The following FBXW8 variants were observed in gnomAD, a reference collection of about 807,000 sequenced individuals.
The protein encoded by FBXW8 is F-box and WD repeat domain containing 8.
A neutral mutation model predicts 65.3 loss-of-function variants in FBXW8; 57 were observed. The ratio of observed to expected loss-of-function variants is 0.87; its 90% CI spans 0.71 to 1.09. The LOEUF is 1.09. Ranked by LOEUF, FBXW8 falls within the 50% of genes least tolerant of loss-of-function variation. The pLI is 0.00. For synonymous variants in FBXW8, 308 were observed against 330.2 expected, an observed-to-expected ratio of 0.93 and a Z score of 0.73; for missense variants, 777 against 814.8, an observed-to-expected ratio of 0.95 and a Z score of 0.57.
At chr12:116,952,328 G>A (rs1038986037) in intron 4 of FBXW8, among the ~76,000 whole-genome samples, 32 of 152,088 alleles carry the variant, frequency 2.1e-4, no homozygotes, top group African/African-American at 7.0e-4. Flanking sequence ...TAACCCTGTC[G>A]TTTAGTGACA....
intron 8 of FBXW8, among the ~76,000 whole-genome samples, chr12:117,011,838 C>T (rs540115422): frequency 6.6e-6 from 1 of 152,250 alleles, no homozygotes; most frequent in South Asian, 2.1e-4. Context: ...GAAGAAACCT[C>T]TGTTTTCTGC....
intron 1 of FBXW8, among the ~76,000 whole-genome samples, chr12:116,921,368 G>GT (rs1199809775): frequency 1.3e-5 from 2 of 152,176 alleles, no homozygotes; most frequent in African/African-American, 4.8e-5. Context: ...GAGACGAATT[G>GT]TTTTTTTGTG....
intron 1 of FBXW8, among the ~76,000 whole-genome samples, chr12:116,920,576 T>A (rs73395571): frequency 0.069 from 10,557 of 152,248 alleles, 974 homozygotes; most frequent in African/African-American, 0.21. Flanking sequence ...TAAATAGTGC[T>A]GTCCAACAGG....
chr12:117,012,122 C>T (rs1953835049), intron 8 of FBXW8, among the ~76,000 whole-genome samples: 4 of 152,232 alleles, frequency 2.6e-5, no homozygotes, highest in Admixed American at 2.6e-4. Context: ...ATACTGAGGG[C>T]TGACTGTATA....
intron 1 of FBXW8, among the ~76,000 whole-genome samples, chr12:116,925,653 A>T (rs564371660): frequency 5.1e-4 from 78 of 151,628 alleles, no homozygotes; most frequent in Admixed American, 8.5e-4. Context: ...ACTTTTTTTT[A>T]AAAAAAGTTT....
At chr12:116,974,013 T>A (rs1884780937) in intron 5 of FBXW8, among the ~76,000 whole-genome samples, 1 of 152,220 alleles carries the variant, frequency 6.6e-6, no homozygotes, top group Non-Finnish European at 1.5e-5. Context: ...CTGTGATCTC[T>A]TGGAGGAGAA....
At chr12:116,940,409 G>T (rs902052996) in intron 2 of FBXW8, among the ~76,000 whole-genome samples, 12 of 151,424 alleles carry the variant, frequency 7.9e-5, no homozygotes, top group African/African-American at 2.9e-4. Flanking sequence ...TGGGGCAGAC[G>T]TTGAGGTGGG....
chr12:116,959,949 G>C lies in FBXW8; in HGVS notation c.678-4748G>C, dbSNP rs555209043. On this transcript the variant is annotated intron_variant, in intron 4 of 10. Transcript: ENST00000652555. ...GTTTTTCCTTAGTGTTCTTACATCA[G>C]CTAGTATATTAGTTGCAGTTGTACT... Among the ~76,000 whole-genome samples the C allele has an allele frequency of 2.6e-5, 4 of 152,284 alleles. No individual in the cohort carries two copies. In the South Asian group the frequency reaches 8.3e-4, roughly 32 times the overall value.
intron 2 of FBXW8, among the ~76,000 whole-genome samples, chr12:116,944,964 T>G (rs1480385898): frequency 6.6e-6 from 1 of 152,228 alleles, no homozygotes; most frequent in African/African-American, 2.4e-5. Context: ...GCCATCAATC[T>G]TCAATTCTGT....
intron 8 of FBXW8, among the ~76,000 whole-genome samples, chr12:117,023,660 C>T (rs1363515519): frequency 6.6e-6 from 1 of 152,220 alleles, no homozygotes; most frequent in Non-Finnish European, 1.5e-5. Flanking sequence ...TTCTCAGTTC[C>T]AGCAAGACAG....
intron 4 of FBXW8, among the ~76,000 whole-genome samples, chr12:116,954,353 T>C (rs1421895321): frequency 6.6e-6 from 1 of 152,156 alleles, no homozygotes; most frequent in African/African-American, 2.4e-5. Context: ...TGAATTTTTT[T>C]CATGTTGCAT....
chr12:116,922,188 A>G (rs890631915), intron 1 of FBXW8, among the ~76,000 whole-genome samples: 6 of 152,166 alleles, frequency 3.9e-5, no homozygotes, highest in Non-Finnish European at 8.8e-5. Context: ...CAAATTGTGG[A>G]TTATAAATGG....
At chr12:116,986,646 A>G (rs1167200060) in intron 6 of FBXW8, 2 of 151,650 alleles carry the variant, frequency 1.3e-5, no homozygotes, top group African/African-American at 2.4e-5. Context: ...AAAGACAAAA[A>G]AACAACAAAA....
At chr12:116,931,893 T>A (rs1396442056) in intron 2 of FBXW8, among the ~76,000 whole-genome samples, 1 of 152,148 alleles carries the variant, frequency 6.6e-6, no homozygotes, top group Non-Finnish European at 1.5e-5. Context: ...CTATGTTGAA[T>A]GGAAATGGTG....
intron 2 of FBXW8, among the ~76,000 whole-genome samples, chr12:116,931,986 G>A (rs554243610): frequency 3.9e-5 from 6 of 152,166 alleles, no homozygotes; most frequent in Admixed American, 1.3e-4. Flanking sequence ...TTTGTCACAT[G>A]TGGCCTTTAT....
chr12:116,978,555 C>T lies in FBXW8; in HGVS notation c.836-6651C>T, dbSNP rs1885104152. 5 of 152,314 alleles carry T rather than the reference C, an allele frequency of 3.3e-5. No homozygotes were observed. The South Asian group carries it at 1.0e-3, about 32-fold the overall frequency. 9.4% of individuals were successfully genotyped at this position (152,314 alleles called of 1,614,324 possible). A position where few individuals can be genotyped will look rare whatever the true frequency, so the allele number is the denominator to read the frequency against. ...ATAAATAGTCAACTTCATTCAGTAT[C>T]TCTGAACGCAGTTAATTGATCCTGT... On this transcript the variant is annotated intron_variant, in intron 5 of 10. Coordinates refer to ENST00000652555, the MANE Select transcript of FBXW8 (RefSeq NM_153348.3).
At chr12:116,978,946 C>T (rs1885126472) in intron 5 of FBXW8, 1 of 152,096 alleles carries the variant, frequency 6.6e-6, no homozygotes, top group African/African-American at 2.4e-5. Flanking sequence ...TTAGTTGGGA[C>T]TTATCTTTTT....
At chr12:117,021,650 A>C (rs1208940422) in intron 8 of FBXW8, among the ~76,000 whole-genome samples, 2 of 152,338 alleles carry the variant, frequency 1.3e-5, no homozygotes, top group African/African-American at 4.8e-5. Flanking sequence ...TTTTTAAACT[A>C]GATTTTAGCA....
At chr12:116,927,565 T>C (rs1214694250) in intron 1 of FBXW8, among the ~76,000 whole-genome samples, 2 of 152,206 alleles carry the variant, frequency 1.3e-5, no homozygotes. Flanking sequence ...CTGTGTGTGC[T>C]CACTCCCTTC....
Sources: gnomAD v4.1 joint callset for allele counts (sites outside exome capture counted in the v4.1 genomes callset) on GRCh38, gnomAD v4.1.1 for gene constraint, MANE v1.5 for transcripts, NCBI Gene and HGNC (gene_info 2026-07-23, HGNC 2026-07-21) for gene names.